The following BPIFA3 variants were observed in gnomAD, a reference collection of about 807,000 sequenced individuals.
BPIFA3 encodes the protein BPI fold containing family A member 3.
A neutral mutation model predicts 29.7 loss-of-function variants in BPIFA3; 32 were observed. The ratio of observed to expected loss-of-function variants is 1.08; its 90% CI spans 0.81 to 1.45. The LOEUF (loss-of-function observed/expected upper bound fraction) is 1.45, where lower values mean the gene tolerates loss of function less well. Ranked by LOEUF, BPIFA3 falls within the 40% of genes most tolerant of loss-of-function variation. The pLI is 0.00. For synonymous variants in BPIFA3, 112 were observed against 113.7 expected (o/e 0.98, Z 0.10); for missense variants, 323 against 311.3 (o/e 1.04, Z -0.28).
At position 33,225,105 on chromosome 20, in the gene BPIFA3, G is replaced by A. The variant is rs150349800; in HGVS notation, c.394G>A (p.Asp132Asn). 1.6e-4 allele frequency: 263 copies of A among 1,613,932 alleles called. 1 individual carries two copies. Among genetic ancestry groups the A allele is most frequent in the Middle Eastern group, 1.5e-3 (9 of 6,062 alleles). Residue 132 changes from aspartate (D) to asparagine (N), a missense_variant, in exon 4 of 7, where the codon GAT (aspartate) becomes AAT (asparagine). Asp to Asn is a conservative substitution (Grantham distance 23, BLOSUM62 1). Coordinates refer to ENST00000375454, the MANE Select transcript of BPIFA3 (RefSeq NM_178466.5). ...EFDLELRPSFDNNIVKMCAHM... is the reference protein window; with the variant it reads ...EFDLELRPSFNNNIVKMCAHM... ...TTCCTCTCTCATCTGCAGGTCCTTC[G>A]ATAACAACATCGTAAAGATGTGTGC...
intron 1 of BPIFA3, among the ~76,000 whole-genome samples, chr20:33,218,003 A>ACTTTAATTTACATAAATTGTATT (rs1483311168): frequency 6.7e-4 from 100 of 148,236 alleles, no homozygotes; most frequent in African/African-American, 2.4e-3. Context: ...TTGTATGTAC[A>ACTTTAATTTACATAAATTGTATT]GTACTTTAAT....
chr20:33,221,149 A>AT (rs11468471), intron 1 of BPIFA3, among the ~76,000 whole-genome samples: 10,504 of 138,464 alleles, frequency 0.076, 544 homozygotes, highest in Non-Finnish European at 0.12. Context: ...GTACTGTTAG[A>AT]TTTTTTTTTT....
chr20:33,220,156 T>A (rs1001268150), intron 1 of BPIFA3, among the ~76,000 whole-genome samples: 3 of 150,566 alleles, frequency 2.0e-5, no homozygotes, highest in Admixed American at 2.0e-4. Context: ...CCCAGCACTT[T>A]GAGAGGCTGA....
At chr20:33,223,108 C>T (rs1284408753) in intron 1 of BPIFA3, among the ~76,000 whole-genome samples, 1 of 152,172 alleles carries the variant, frequency 6.6e-6, no homozygotes, top group Non-Finnish European at 1.5e-5. Context: ...CAGAAACAAA[C>T]ATTGCTGAAA....
chr20:33,227,071 C>T, intron 6 of BPIFA3, 78 bp downstream of exon 6: 6 of 1,299,804 alleles, frequency 4.6e-6, no homozygotes, highest in Non-Finnish European at 6.7e-6. Flanking sequence ...CCCTGGAGCC[C>T]CCAGGGAGGC....
In BPIFA3 at chr20:33,227,743, C is replaced by G; in HGVS notation, c.*126C>G. On this transcript the variant is annotated 3_prime_UTR_variant, in exon 7 of 7. Transcript: ENST00000375454. ...ATACCATCCTCTCCTACAATAAACTCTAGCTCTGAAGGGTGCACAGGTCCC... is the reference window on the plus strand; with the variant it reads ...ATACCATCCTCTCCTACAATAAACTGTAGCTCTGAAGGGTGCACAGGTCCC... 1.3e-6 allele frequency: 1 copy of G among 782,038 alleles called. No homozygotes were observed. The highest frequency in any genetic ancestry group is 2.7e-5 in the East Asian group (1 of 37,338). The allele number at this position is 782,038 out of a possible 1,614,324, so 48.4% of individuals were successfully genotyped here. A position where few individuals can be genotyped will look rare whatever the true frequency, so the allele number is the denominator to read the frequency against.
Position 33,226,393 on chromosome 20 carries a change from C to A in BPIFA3, c.537-13C>A. On this transcript the variant is annotated splice_polypyrimidine_tract_variant and intron_variant, in intron 4 of 6. Coordinates refer to ENST00000375454, the MANE Select transcript of BPIFA3 (RefSeq NM_178466.5). ...TGCTCTGTTCTGTTCTGTGCCTCTA[C>A]CTTTCTTTCTAGGGCTATCCCACCA... 6.3e-7 allele frequency: 1 copy of A among 1,596,154 alleles called. No homozygotes were observed. Among genetic ancestry groups the A allele is most frequent in the Non-Finnish European group, 8.6e-7 (1 of 1,164,128 alleles).
intron 6 of BPIFA3, among the ~76,000 whole-genome samples, chr20:33,227,336 T>C (rs75519954): frequency 2.0e-4 from 30 of 152,316 alleles, no homozygotes; most frequent in African/African-American, 6.0e-4. Flanking sequence ...TAAACAGTTA[T>C]AGTCCCTGCC....
intron 4 of BPIFA3, 194 bp from the exon 5 acceptor site, chr20:33,226,212 A>G (rs1455285701): frequency 3.6e-6 from 2 of 551,354 alleles, no homozygotes; most frequent in Admixed American, 3.7e-5. Context: ...TTTCTAATAT[A>G]ACCAGCACTT....
At chr20:33,226,284 C>T in intron 4 of BPIFA3, 122 bp from the exon 5 acceptor site, 1 of 725,264 alleles carries the variant, frequency 1.4e-6, no homozygotes, top group Non-Finnish European at 2.4e-6. Context: ...GACAATGATA[C>T]TTCTGGCATG....
chr20:33,217,357 G>A lies in BPIFA3; in HGVS notation c.-180G>A. The A allele has an allele frequency of 1.4e-6, 1 of 702,834 alleles. No homozygotes were observed. Among genetic ancestry groups the A allele is most frequent in the Non-Finnish European group, 2.2e-6 (1 of 457,622 alleles). The allele number at this position is 702,834 out of a possible 1,614,324, so 43.5% of individuals were successfully genotyped here. ...GTTCCACATGTTGCTCTCCCAATGT[G>A]AGCAAGCCCTGGTGGCAGCGCCAGG... On this transcript the variant is annotated 5_prime_UTR_variant, in exon 1 of 7. It removes the in-frame stop codon of an upstream open reading frame in the 5' UTR. Transcript: ENST00000375454.
rs572007620 is a variant in BPIFA3 at position 33,223,693 on chromosome 20, T to C, written c.128-118T>C. ...AGATCTCCATGGGGAGGTGGTGACA[T>C]GCACCACTCACTAAGCAATCAGATC... On this transcript the variant is annotated intron_variant, in intron 1 of 6. Transcript: ENST00000375454. The C allele has an allele frequency of 1.5e-4, 155 of 1,062,666 alleles. No homozygotes were observed. The South Asian group carries it at 1.7e-3, about 12-fold the overall frequency. The allele number at this position is 1,062,666 out of a possible 1,614,324, so 65.8% of individuals were successfully genotyped here.
intron 6 of BPIFA3, among the ~76,000 whole-genome samples, 195 bp downstream of exon 6, chr20:33,227,188 C>A (rs972397239): frequency 6.6e-6 from 1 of 152,176 alleles, no homozygotes; most frequent in African/African-American, 2.4e-5. Flanking sequence ...GTACCCCTAC[C>A]AAGCAGGCTG....
chr20:33,217,632 C>T lies in BPIFA3; in HGVS notation c.96C>T (p.Ala32=). 1 of 1,614,034 alleles carries T rather than the reference C, an allele frequency of 6.2e-7. No individual in the cohort carries two copies. Among genetic ancestry groups the T allele is most frequent in the Non-Finnish European group, 8.5e-7 (1 of 1,179,974 alleles). ...HKQPWPGLAQ[A]HRDNKSTLAR... The stretch of plus-strand genomic sequence containing the variant: ...AGCCTTGGCCTGGCCTGGCCCAAGC[C>T]CACAGAGACAACAAATCCACCCTGG... Residue 32 remains alanine (A), a synonymous_variant, in exon 1 of 7, where the codon GCC becomes GCT. Coordinates refer to ENST00000375454, the MANE Select transcript of BPIFA3 (RefSeq NM_178466.5).
rs374288219 is a variant in BPIFA3 at position 33,219,563 on chromosome 20, T to C, written c.127+1900T>C. ...AACCCATCTCTGGAGGCTATCTTTA[T>C]GTATGCCTGTGTATGTAAGGCAGAG... On this transcript the variant is annotated intron_variant, in intron 1 of 6. Coordinates refer to ENST00000375454, the MANE Select transcript of BPIFA3 (RefSeq NM_178466.5). 9.2e-5 allele frequency among the ~76,000 whole-genome samples: 14 copies of C among 152,364 alleles called. No homozygotes were observed. In the South Asian group the frequency reaches 2.9e-3, roughly 32 times the overall value.
intron 3 of BPIFA3, 129 bp downstream of exon 3, chr20:33,224,591 G>T: frequency 1.3e-6 from 1 of 756,068 alleles, no homozygotes; most frequent in South Asian, 1.6e-5. Context: ...GTGTGACCTT[G>T]GGCAAGTCAC....
In BPIFA3 at chr20:33,226,758, G is replaced by A. The variant is rs572869807; in HGVS notation, c.622-172G>A. 39 of 691,010 alleles carry A rather than the reference G, an allele frequency of 5.6e-5. No individual in the cohort carries two copies. The East Asian group carries it at 7.8e-4, about 14-fold the overall frequency. 42.8% of individuals were successfully genotyped at this position (691,010 alleles called of 1,614,324 possible). ...TGAGGATTTGTGGAGACAAAGCGTC[G>A]AAGTGTTGTGCATGACACTGAGCAG... On this transcript the variant is annotated intron_variant, in intron 5 of 6. Coordinates refer to ENST00000375454, the MANE Select transcript of BPIFA3 (RefSeq NM_178466.5).
At chr20:33,222,554 A>AGATG (rs56018803) in intron 1 of BPIFA3, among the ~76,000 whole-genome samples, 17,433 of 128,882 alleles carry the variant, frequency 0.14, 1,329 homozygotes, top group Non-Finnish European at 0.15. Flanking sequence ...ATAGATGGAC[A>AGATG]GATGGATGGA....
chr20:33,227,084 G>C, intron 6 of BPIFA3, 91 bp downstream of exon 6: 1 of 1,093,216 alleles, frequency 9.1e-7, no homozygotes, highest in Non-Finnish European at 1.4e-6. Context: ...AGGGAGGCCT[G>C]CTAAGGGGCG....
Sources: allele counts gnomAD v4.1 joint callset (sites outside exome capture counted in the v4.1 genomes callset), GRCh38; gene constraint gnomAD v4.1.1; transcripts MANE v1.5; gene names NCBI Gene and HGNC (gene_info 2026-07-23, HGNC 2026-07-21).